The following CCDC7 variants were observed in gnomAD, a reference collection of about 807,000 sequenced individuals.
CCDC7 encodes the protein coiled-coil domain containing 7.
In CCDC7, 183 loss-of-function variants were observed where a neutral mutation model predicts 196.9. That is an observed-to-expected ratio of 0.93 (90% confidence interval 0.82 to 1.05). CCDC7 has a LOEUF of 1.05. Ranked by LOEUF, CCDC7 falls within the 50% of genes least tolerant of loss-of-function variation. The probability of loss-of-function intolerance (pLI) is 0.00; values close to 1 mark genes in which losing one functional copy is unlikely to be tolerated. For missense variants in CCDC7, 1,540 were observed against 1,482.2 expected (o/e 1.04, Z -0.64); for synonymous variants, 525 against 484.6 (o/e 1.08, Z -1.10).
At chr10:32,827,964 T>C (rs1227113068) in intron 32 of CCDC7, among the ~76,000 whole-genome samples, 1 of 152,150 alleles carries the variant, frequency 6.6e-6, no homozygotes, top group Non-Finnish European at 1.5e-5. Context: ...TTTTAAGTCC[T>C]GAAAAGAGAC....
rs772802509 is a variant in CCDC7, at chr10:32,456,337, A to G, written c.456+3A>G. On this transcript the variant is annotated splice_donor_region_variant and intron_variant, in intron 3 of 41. Transcript: ENST00000639629. ...AAGCACTTAAAGAAGAACAAAATGTATGTATTCTGTATATACTGTCAAGTA... is the reference window on the plus strand; with the variant it reads ...AAGCACTTAAAGAAGAACAAAATGTGTGTATTCTGTATATACTGTCAAGTA... 17 of 1,566,614 alleles carry G rather than the reference A, an allele frequency of 1.1e-5. No homozygotes were observed. Among genetic ancestry groups the G allele is most frequent in the African/African-American group, 8.1e-5 (6 of 74,402 alleles).
intron 20 of CCDC7, among the ~76,000 whole-genome samples, chr10:32,654,646 G>C (rs1209198837): frequency 1.3e-5 from 2 of 152,140 alleles, no homozygotes; most frequent in African/African-American, 4.8e-5. Flanking sequence ...TTGTAGAGGG[G>C]CTCCCTGTGT....
In CCDC7 at chr10:32,695,009, T is replaced by C. The variant is rs1413997159; in HGVS notation, c.2458+17T>C. On this transcript the variant is annotated intron_variant, in intron 24 of 41. Coordinates refer to ENST00000639629, the Ensembl canonical transcript of CCDC7. ...GACATAGTAGTAAGTATAATAATTA[T>C]AGATAACTTAAAAATTTTAAAGTTA... 5 of 1,356,920 alleles carry C rather than the reference T, an allele frequency of 3.7e-6. No individual in the cohort carries two copies. In the South Asian group the frequency reaches 4.4e-5, roughly 12 times the overall value. 84.1% of individuals were successfully genotyped at this position (1,356,920 alleles called of 1,614,324 possible).
At position 32,728,963 on chromosome 10, in the gene CCDC7, G is replaced by A. The variant is rs765809167; in HGVS notation, c.2745G>A (p.Lys915=). ...AGTCAAAACTCCAAATGCAAGAAAAGAAACAAATAAATTCTGGAGTGGAAA... is the reference window on the plus strand; with the variant it reads ...AGTCAAAACTCCAAATGCAAGAAAAAAAACAAATAAATTCTGGAGTGGAAA... Residue 915 remains lysine (K), a synonymous_variant, in exon 27 of 42, where the codon AAG becomes AAA. Coordinates refer to ENST00000639629, the Ensembl canonical transcript of CCDC7. 1.7e-5 allele frequency: 27 copies of A among 1,605,868 alleles called. No homozygotes were observed. The Admixed American group carries it at 4.4e-4, about 26-fold the overall frequency.
chr10:32,828,431 G>A (rs56288726), intron 32 of CCDC7, among the ~76,000 whole-genome samples: 3 of 69,500 alleles, frequency 4.3e-5, no homozygotes, highest in African/African-American at 1.3e-4. Context: ...GAAGAAGAAG[G>A]AAGGAAGGAG....
At chr10:32,705,581 G>A (rs113302752) in intron 24 of CCDC7, among the ~76,000 whole-genome samples, 28 of 152,096 alleles carry the variant, frequency 1.8e-4, no homozygotes, top group African/African-American at 6.0e-4. Context: ...CCCATCTCAC[G>A]TGCAGAGGCA....
chr10:32,640,233 G>A (rs907579040), intron 20 of CCDC7, among the ~76,000 whole-genome samples: 22 of 152,098 alleles, frequency 1.4e-4, no homozygotes, highest in Non-Finnish European at 2.8e-4. Context: ...TCCTGTATTG[G>A]GTGCATACAT....
chr10:32,616,304 T>C (rs2062762176), intron 18 of CCDC7, among the ~76,000 whole-genome samples: 1 of 152,072 alleles, frequency 6.6e-6, no homozygotes, highest in Admixed American at 6.6e-5. Flanking sequence ...GGGATGTTTT[T>C]CTATTTGTTT....
intron 20 of CCDC7, among the ~76,000 whole-genome samples, chr10:32,657,200 G>A (rs1392697485): frequency 1.3e-5 from 2 of 152,274 alleles, no homozygotes; most frequent in Admixed American, 1.3e-4. Context: ...AGCTGTCAGT[G>A]GATCTTCCAT....
chr10:32,659,582 A>C (rs182676690), intron 20 of CCDC7, among the ~76,000 whole-genome samples: 1 of 152,354 alleles, frequency 6.6e-6, no homozygotes, highest in East Asian at 1.9e-4. Context: ...TTAAGGTCTA[A>C]TATCCAGCAT....
intron 28 of CCDC7, among the ~76,000 whole-genome samples, chr10:32,765,429 C>T (rs1481047731): frequency 6.6e-6 from 1 of 151,936 alleles, no homozygotes; most frequent in African/African-American, 2.4e-5. Context: ...AAGCTGAACT[C>T]ATCCTCTTGT....
rs1417938001 is a variant in CCDC7 at position 32,560,430 on chromosome 10, G to A, written c.1135-5128G>A. ...TTAAGGGCAGCCAGAGAGAAAGGTC[G>A]GGTTACCCACAAAGGGAAGCCCATC... is the stretch of plus-strand genomic sequence containing the variant. On this transcript the variant is annotated intron_variant, in intron 13 of 41. Coordinates refer to ENST00000639629, the Ensembl canonical transcript of CCDC7. Among the ~76,000 whole-genome samples the A allele has an allele frequency of 2.4e-4, 37 of 151,326 alleles. No homozygotes were observed. The East Asian group carries it at 4.5e-3, about 18-fold the overall frequency.
chr10:32,535,289 C>T (rs2050290736), intron 11 of CCDC7, among the ~76,000 whole-genome samples: 1 of 151,974 alleles, frequency 6.6e-6, no homozygotes, highest in African/African-American at 2.4e-5. Context: ...GAAATAACCA[C>T]CTAATGCCTT....
chr10:32,619,807 C>T (rs1004527723), intron 18 of CCDC7, among the ~76,000 whole-genome samples: 1 of 151,564 alleles, frequency 6.6e-6, no homozygotes, highest in Non-Finnish European at 1.5e-5. Flanking sequence ...CTATGTTGCC[C>T]AGCCTGGTCT....
At chr10:32,526,857 A>G (rs1004748052) in intron 11 of CCDC7, among the ~76,000 whole-genome samples, 3 of 152,076 alleles carry the variant, frequency 2.0e-5, no homozygotes, top group African/African-American at 7.2e-5. Context: ...GCTGAGCTGC[A>G]TTGCCTGGGG....
intron 21 of CCDC7, among the ~76,000 whole-genome samples, chr10:32,667,703 G>T (rs960075819): frequency 6.6e-6 from 1 of 152,010 alleles, no homozygotes; most frequent in Non-Finnish European, 1.5e-5. Context: ...ATTTCTGAGG[G>T]CTCTGTTCTG....
At chr10:32,541,113 G>GGGT (rs1049222796) in intron 11 of CCDC7, among the ~76,000 whole-genome samples, 1 of 151,836 alleles carries the variant, frequency 6.6e-6, no homozygotes, top group African/African-American at 2.4e-5. Flanking sequence ...AGAGCCACAG[G>GGGT]GGTGGATAGA....
At chr10:32,703,952 G>A (rs11598759) in intron 24 of CCDC7, among the ~76,000 whole-genome samples, 11,594 of 151,964 alleles carry the variant, frequency 0.076, 583 homozygotes, top group East Asian at 0.16. Context: ...TCTTTGCCAT[G>A]GGTTAGAACT....
At chr10:32,507,158 A>G (rs893869310) in intron 9 of CCDC7, among the ~76,000 whole-genome samples, 2 of 151,812 alleles carry the variant, frequency 1.3e-5, no homozygotes, top group African/African-American at 2.4e-5. Context: ...ACACCCAGCT[A>G]ATTTTTGTAT....
Sources: gnomAD v4.1 joint callset for allele counts (sites outside exome capture counted in the v4.1 genomes callset) on GRCh38, gnomAD v4.1.1 for gene constraint, MANE v1.5 for transcripts, NCBI Gene and HGNC (gene_info 2026-07-23, HGNC 2026-07-21) for gene names.